Variants in VAMP7 observed in about 807,000 individuals in gnomAD.
VAMP7 encodes vesicle-associated membrane protein 7.
A neutral mutation model predicts 29.6 loss-of-function variants in VAMP7; 14 were observed. The observed-to-expected ratio is 0.47, with a 90% CI of 0.31 to 0.74. The LOEUF (loss-of-function observed/expected upper bound fraction) is 0.74. VAMP7 is among the 30% of genes least tolerant of loss of function. VAMP7 has a pLI of 0.05. For synonymous variants in VAMP7, 95 were observed against 88.1 expected (o/e 1.08, Z -0.44); for missense variants, 223 against 262.4 (o/e 0.85, Z 1.04).
intron 2 of VAMP7, among the ~76,000 whole-genome samples, 171 bp from the exon 3 acceptor site, chrX:155,895,452 T>G (rs1294651751): frequency 6.6e-6 from 1 of 152,146 alleles, no homozygotes; most frequent in Admixed American, 6.5e-5. Context: ...TTCTATCAGT[T>G]TGACTTGAAA....
intron 5 of VAMP7, among the ~76,000 whole-genome samples, chrX:155,908,165 G>A (rs1342498913): frequency 6.6e-6 from 1 of 152,244 alleles, no homozygotes; most frequent in Non-Finnish European, 1.5e-5. Flanking sequence ...GTGGCGGCTG[G>A]GCAGAGGCTG....
intron 6 of VAMP7, among the ~76,000 whole-genome samples, chrX:155,924,177 GT>G (rs1016280573): frequency 6.6e-6 from 1 of 151,894 alleles, no homozygotes; most frequent in African/African-American, 2.4e-5. Flanking sequence ...ATCTCTATTT[GT>G]TTTTTAACAC....
chrX:155,892,317 A>G (rs1015060093), intron 2 of VAMP7, among the ~76,000 whole-genome samples: 10 of 152,180 alleles, frequency 6.6e-5, no homozygotes, highest in Middle Eastern at 6.8e-3. Context: ...TTGTACTTTA[A>G]TGCTTCTAAA....
intron 6 of VAMP7, among the ~76,000 whole-genome samples, chrX:155,932,024 G>A (rs185712182): frequency 6.6e-6 from 1 of 152,228 alleles, no homozygotes. Context: ...TTGTAGATGT[G>A]TGGTATTACT....
intron 2 of VAMP7, among the ~76,000 whole-genome samples, chrX:155,891,102 A>G (rs890872960): frequency 3.9e-5 from 6 of 152,190 alleles, no homozygotes; most frequent in African/African-American, 1.4e-4. Flanking sequence ...AAGTGGCCTG[A>G]TATTGTTGAG....
intron 5 of VAMP7, among the ~76,000 whole-genome samples, chrX:155,904,264 T>G (rs2066115165): frequency 6.7e-6 from 1 of 149,662 alleles, no homozygotes; most frequent in African/African-American, 2.5e-5. Flanking sequence ...AAATGACGAG[T>G]TAATGGGTGC....
chrX:155,931,216 G>A (rs1191378656), intron 6 of VAMP7, among the ~76,000 whole-genome samples: 1 of 152,084 alleles, frequency 6.6e-6, no homozygotes, highest in Admixed American at 6.6e-5. Flanking sequence ...AATCCTTTGG[G>A]TATATACCCA....
chrX:155,928,841 T>A lies in VAMP7; in HGVS notation c.501+8961T>A, dbSNP rs2066508104. Among the ~76,000 whole-genome samples the A allele has an allele frequency of 1.3e-5, 2 of 152,216 alleles. 1 individual carries two copies. The highest frequency in any genetic ancestry group is 4.8e-5 in the African/African-American group (2 of 41,474). Reference sequence around the variant, plus strand: ...TTGACCTGAGAGTGGTGGAGGAATCTCCATTACAACCTGTTGAATCACACA... The same window carrying A: ...TTGACCTGAGAGTGGTGGAGGAATCACCATTACAACCTGTTGAATCACACA... On this transcript the variant is annotated intron_variant, in intron 6 of 7. Transcript: ENST00000286448.
chrX:155,902,293 A>G (rs1602941514), intron 5 of VAMP7, among the ~76,000 whole-genome samples: 3 of 152,112 alleles, frequency 2.0e-5, no homozygotes, highest in East Asian at 1.9e-4. Context: ...TTTTCTAGAT[A>G]TACAATCATG....
At chrX:155,904,449 T>C (rs1287291447) in intron 5 of VAMP7, among the ~76,000 whole-genome samples, 2 of 152,112 alleles carry the variant, frequency 1.3e-5, no homozygotes, top group African/African-American at 4.8e-5. Context: ...AATTGAAATA[T>C]AATTCACATA....
At chrX:155,939,570 C>T (rs2066713033) in intron 6 of VAMP7, 131 bp from the exon 7 acceptor site, 1 of 730,440 alleles carries the variant, frequency 1.4e-6, no homozygotes, top group Admixed American at 2.0e-5. Context: ...TATGAATGGC[C>T]AGTCTCTACT....
intron 2 of VAMP7, among the ~76,000 whole-genome samples, chrX:155,890,051 A>G (rs28623458): frequency 1.2e-4 from 18 of 152,098 alleles, no homozygotes; most frequent in African/African-American, 4.1e-4. Flanking sequence ...GAGAAAGTCA[A>G]ATCCACGATG....
At position 155,907,963 on chromosome X, in the gene VAMP7, C is replaced by T. The variant is rs760043475; in HGVS notation, c.433+7376C>T. Among the ~76,000 whole-genome samples, 195 of 151,744 alleles carry T rather than the reference C, an allele frequency of 1.3e-3. No individual in the cohort carries two copies. In the East Asian group the frequency reaches 0.014, roughly 11 times the overall value. On this transcript the variant is annotated intron_variant, in intron 5 of 7. Transcript: ENST00000286448. The stretch of plus-strand genomic sequence containing the variant: ...CGCTCCCCACATCTCAGACGATGGG[C>T]GGCCGGGCAGAGACGCTCCTCACTT...
chrX:155,942,381 T>C lies in VAMP7; in HGVS notation c.*430T>C, dbSNP rs898040717. The stretch of plus-strand genomic sequence containing the variant: ...CTTAATGTCTTTTGTTATTGAGAAG[T>C]TTTAGGTGCTTCAAAACAATATAAA... On this transcript the variant is annotated 3_prime_UTR_variant, in exon 8 of 8. Coordinates refer to ENST00000286448, the MANE Select transcript of VAMP7 (RefSeq NM_005638.6). 3 of 525,960 alleles carry C rather than the reference T, an allele frequency of 5.7e-6. No homozygotes were observed. Among genetic ancestry groups the C allele is most frequent in the African/African-American group, 5.7e-5 (3 of 52,878 alleles). 32.6% of individuals were successfully genotyped at this position (525,960 alleles called of 1,614,324 possible). A position where few individuals can be genotyped will look rare whatever the true frequency, so the allele number is the denominator to read the frequency against.
At chrX:155,909,157 A>C (rs1395759751) in intron 5 of VAMP7, among the ~76,000 whole-genome samples, 1 of 152,074 alleles carries the variant, frequency 6.6e-6, no homozygotes, top group African/African-American at 2.4e-5. Context: ...TTTAGTCTCT[A>C]TGCTTGCTGT....
chrX:155,912,581 A>C (rs1320225597), intron 5 of VAMP7, among the ~76,000 whole-genome samples: 1 of 150,756 alleles, frequency 6.6e-6, no homozygotes, highest in African/African-American at 2.4e-5. Flanking sequence ...TCATTGTTCA[A>C]CTCCCACTTA....
intron 6 of VAMP7, among the ~76,000 whole-genome samples, chrX:155,933,549 A>G (rs1275552779): frequency 6.6e-6 from 1 of 152,020 alleles, no homozygotes; most frequent in East Asian, 1.9e-4. Context: ...CGGTGGTGAT[A>G]TCCCCTTTTA....
At chrX:155,896,368 A>G (rs1000444807) in intron 3 of VAMP7, among the ~76,000 whole-genome samples, 1 of 152,166 alleles carries the variant, frequency 6.6e-6, no homozygotes, top group Admixed American at 6.6e-5. Flanking sequence ...CATTTCTTCT[A>G]TCAGTAGTTA....
chrX:155,940,421 A>G (rs1292950778), intron 7 of VAMP7, among the ~76,000 whole-genome samples: 1 of 152,184 alleles, frequency 6.6e-6, no homozygotes, highest in African/African-American at 2.4e-5. Context: ...GGATTTATCT[A>G]AAAGAGAAGA....
Sources: gnomAD v4.1 joint callset for allele counts (sites outside exome capture counted in the v4.1 genomes callset) on GRCh38, gnomAD v4.1.1 for gene constraint, MANE v1.5 for transcripts, NCBI Gene and HGNC (gene_info 2026-07-23, HGNC 2026-07-21) for gene names.